The following LTBP1 variants were observed in gnomAD, a reference collection of about 807,000 sequenced individuals.
LTBP1 encodes latent transforming growth factor beta binding protein 1.
A neutral mutation model predicts 207.6 loss-of-function variants in LTBP1; 129 were observed. The observed-to-expected ratio is 0.62, with a 90% confidence interval of 0.54 to 0.72. LTBP1 has a LOEUF of 0.72. Among genes scored for constraint, LTBP1 ranks in the 30% least tolerant of loss-of-function variants. The pLI is 0.00. For missense variants in LTBP1, 2,281 were observed against 2,217.2 expected (o/e 1.03, Z -0.58); for synonymous variants, 963 against 833.7 (o/e 1.16, Z -2.67).
chr2:33,180,226 G>A (rs1427750095), intron 5 of LTBP1, among the ~76,000 whole-genome samples: 2 of 152,132 alleles, frequency 1.3e-5, no homozygotes, highest in Admixed American at 6.5e-5. Flanking sequence ...TTGAAGATAG[G>A]CAGTTTTAGA....
At chr2:33,294,056 A>C (rs2093826168) in intron 20 of LTBP1, among the ~76,000 whole-genome samples, 1 of 125,034 alleles carries the variant, frequency 8.0e-6, no homozygotes, top group Non-Finnish European at 1.5e-5. Context: ...CCCAGGCTAG[A>C]GTGCAGTGGC....
intron 2 of LTBP1, among the ~76,000 whole-genome samples, chr2:32,973,406 C>A (rs1313547480): frequency 6.6e-6 from 1 of 152,082 alleles, no homozygotes; most frequent in Non-Finnish European, 1.5e-5. Flanking sequence ...TCTTTTGTGT[C>A]CGTTACATAA....
chr2:33,089,213 A>G (rs2078943704), intron 3 of LTBP1, among the ~76,000 whole-genome samples: 2 of 152,190 alleles, frequency 1.3e-5, no homozygotes, highest in Non-Finnish European at 2.9e-5. Flanking sequence ...AATGTATGAC[A>G]AAGTGGGAAA....
intron 26 of LTBP1, among the ~76,000 whole-genome samples, chr2:33,354,557 C>T (rs2094829171): frequency 6.6e-6 from 1 of 151,926 alleles, no homozygotes; most frequent in South Asian, 2.1e-4. Flanking sequence ...GGTATAAAAG[C>T]CAAACTGCTT....
chr2:33,125,429 G>T (rs1329061053), intron 4 of LTBP1, among the ~76,000 whole-genome samples: 1 of 152,078 alleles, frequency 6.6e-6, no homozygotes, highest in Middle Eastern at 3.2e-3. Flanking sequence ...ATTTAGTATC[G>T]TCCATAATTT....
chr2:33,261,567 CT>C (rs1253655948), intron 13 of LTBP1, among the ~76,000 whole-genome samples: 1 of 87,648 alleles, frequency 1.1e-5, no homozygotes, highest in Non-Finnish European at 2.2e-5. Flanking sequence ...GGGTGAACAA[CT>C]GTTAAGAAAA....
chr2:33,364,142 T>A, intron 29 of LTBP1, 74 bp from the exon 30 acceptor site: 1 of 1,438,884 alleles, frequency 6.9e-7, no homozygotes, highest in Non-Finnish European at 9.5e-7. Context: ...TATAGCAATG[T>A]GTAAAGTTTG....
At chr2:33,312,670 A>T (rs954069755) in intron 23 of LTBP1, among the ~76,000 whole-genome samples, 1 of 151,396 alleles carries the variant, frequency 6.6e-6, no homozygotes, top group African/African-American at 2.5e-5. Flanking sequence ...GTTCTTTCTT[A>T]GCAGTTTCCT....
intron 7 of LTBP1, among the ~76,000 whole-genome samples, chr2:33,210,038 C>A (rs1483968092): frequency 6.6e-6 from 1 of 152,352 alleles, no homozygotes; most frequent in Non-Finnish European, 1.5e-5. Flanking sequence ...TGCCCTCTTG[C>A]CATTTACCCA....
chr2:33,369,369 A>G (rs192751947), intron 31 of LTBP1, among the ~76,000 whole-genome samples: 10 of 152,238 alleles, frequency 6.6e-5, no homozygotes, highest in South Asian at 4.1e-4. Flanking sequence ...TGTTAACTGT[A>G]TTGTAATTTT....
At chr2:33,237,420 A>T (rs2092102354) in intron 9 of LTBP1, among the ~76,000 whole-genome samples, 1 of 152,192 alleles carries the variant, frequency 6.6e-6, no homozygotes, top group Admixed American at 6.5e-5. Context: ...ATTGGTTTTC[A>T]AATATTTTTT....
In LTBP1 at chr2:33,158,104, C is replaced by G. The variant is rs1476852516; in HGVS notation, c.1201+23144C>G. ...CAAGCCAAGATTGTGCCATTGCACTCCAGCCTGGGCAACAAGAGTGAAACT... is the reference window on the plus strand; with the variant it reads ...CAAGCCAAGATTGTGCCATTGCACTGCAGCCTGGGCAACAAGAGTGAAACT... On this transcript the variant is annotated intron_variant, in intron 5 of 33. Coordinates refer to ENST00000404816, the MANE Select transcript of LTBP1 (RefSeq NM_206943.4). 2.1e-5 allele frequency among the ~76,000 whole-genome samples: 3 copies of G among 143,886 alleles called. No individual in the cohort carries two copies. In the Admixed American group the frequency reaches 2.2e-4, roughly 10 times the overall value. The allele number at this position is 143,886 out of a possible 152,430, so 94.4% of individuals were successfully genotyped here.
chr2:33,252,649 A>C (rs1161185587), intron 10 of LTBP1, 28 bp from the exon 11 acceptor site: 3 of 1,579,982 alleles, frequency 1.9e-6, no homozygotes, highest in Non-Finnish European at 2.6e-6. Context: ...TTTCTCATGT[A>C]ATGTCGGGCT....
intron 23 of LTBP1, among the ~76,000 whole-genome samples, chr2:33,311,851 T>C (rs1346557761): frequency 6.6e-6 from 1 of 152,230 alleles, no homozygotes; most frequent in Admixed American, 6.5e-5. Context: ...GAGAGTTTTA[T>C]TGACTATCAA....
chr2:33,267,615 G>C (rs142537972), intron 15 of LTBP1, among the ~76,000 whole-genome samples: 1 of 152,006 alleles, frequency 6.6e-6, no homozygotes, highest in East Asian at 1.9e-4. Context: ...ATGTTAAAAA[G>C]AAAAAAATGC....
At chr2:33,099,136 A>T (rs2079561724) in intron 3 of LTBP1, among the ~76,000 whole-genome samples, 1 of 152,248 alleles carries the variant, frequency 6.6e-6, no homozygotes, top group South Asian at 2.1e-4. Context: ...AGGATCTTGC[A>T]GGTCCTGTAG....
intron 30 of LTBP1, among the ~76,000 whole-genome samples, chr2:33,364,825 A>T (rs1345609214): frequency 6.6e-6 from 1 of 152,220 alleles, no homozygotes; most frequent in African/African-American, 2.4e-5. Flanking sequence ...GCCGCTGATA[A>T]TTGGCATAAT....
intron 12 of LTBP1, among the ~76,000 whole-genome samples, chr2:33,258,384 G>T (rs1479044290): frequency 6.6e-6 from 1 of 152,218 alleles, no homozygotes; most frequent in Non-Finnish European, 1.5e-5. Context: ...GGGTGCTGTT[G>T]AGGAGATAGA....
At chr2:33,313,794 A>G (rs1320134723) in intron 23 of LTBP1, among the ~76,000 whole-genome samples, 1 of 152,196 alleles carries the variant, frequency 6.6e-6, no homozygotes, top group Non-Finnish European at 1.5e-5. Flanking sequence ...AATGTACCCA[A>G]TAGGAGTCAG....
Sources: allele counts gnomAD v4.1 joint callset (sites outside exome capture counted in the v4.1 genomes callset), GRCh38; gene constraint gnomAD v4.1.1; transcripts MANE v1.5; gene names NCBI Gene and HGNC (gene_info 2026-07-23, HGNC 2026-07-21).